The following KHDRBS2 variants were observed in gnomAD, a reference collection of about 807,000 sequenced individuals.
KHDRBS2 encodes the protein KH domain-containing, RNA-binding, signal transduction-associated protein 2.
A neutral mutation model predicts 44.3 loss-of-function variants in KHDRBS2; 26 were observed. That is an observed-to-expected ratio of 0.59 (90% CI 0.43 to 0.81). The LOEUF (loss-of-function observed/expected upper bound fraction) is 0.81. Among genes scored for constraint, KHDRBS2 ranks in the 40% least tolerant of loss-of-function variants. The probability of loss-of-function intolerance (pLI) is 0.00; values close to 1 mark genes in which losing one functional copy is unlikely to be tolerated. For synonymous variants in KHDRBS2, 194 were observed against 151.1 expected (o/e 1.28, Z -2.08); for missense variants, 476 against 433.1 (o/e 1.10, Z -0.88).
At chr6:62,091,271 T>A (rs1799449427) in intron 2 of KHDRBS2, among the ~76,000 whole-genome samples, 1 of 90,946 alleles carries the variant, frequency 1.1e-5, no homozygotes, top group African/African-American at 5.6e-5. Flanking sequence ...AATATAATTG[T>A]ACCACAGTAT....
At chr6:61,918,458 C>T (rs1220468249) in intron 4 of KHDRBS2, among the ~76,000 whole-genome samples, 1 of 151,858 alleles carries the variant, frequency 6.6e-6, no homozygotes, top group Non-Finnish European at 1.5e-5. Context: ...AGGGGACCCT[C>T]ATGATGGGAT....
intron 4 of KHDRBS2, among the ~76,000 whole-genome samples, chr6:61,917,832 A>T (rs190276184): frequency 4.6e-5 from 7 of 152,040 alleles, no homozygotes; most frequent in African/African-American, 1.7e-4. Context: ...TTGATTGATA[A>T]GAATATGATT....
At chr6:61,643,223 G>A in the KHDRBS2 span, among the ~76,000 whole-genome samples, 2 of 152,018 alleles carry the variant, frequency 1.3e-5, no homozygotes, top group Non-Finnish European at 2.9e-5. Flanking sequence ...AATTTCTTCT[G>A]GGAATGAGAA....
chr6:62,181,623 G>A (rs899892244), intron 1 of KHDRBS2, among the ~76,000 whole-genome samples: 4 of 151,948 alleles, frequency 2.6e-5, no homozygotes, highest in Non-Finnish European at 2.9e-5. Flanking sequence ...ATGAAAAACA[G>A]TATAGAGATT....
chr6:61,568,790 C>G, the KHDRBS2 span, among the ~76,000 whole-genome samples: 1 of 152,200 alleles, frequency 6.6e-6, no homozygotes, highest in Admixed American at 6.5e-5. Flanking sequence ...GGGAAGCCAT[C>G]CCTGACTATC....
chr6:62,153,668 C>T (rs930228631), intron 2 of KHDRBS2, among the ~76,000 whole-genome samples: 1 of 152,126 alleles, frequency 6.6e-6, no homozygotes, highest in Non-Finnish European at 1.5e-5. Context: ...GCCATGCTTA[C>T]TTACATCATG....
the KHDRBS2 span, among the ~76,000 whole-genome samples, chr6:61,555,941 A>T: frequency 6.6e-6 from 1 of 152,208 alleles, no homozygotes; most frequent in Non-Finnish European, 1.5e-5. Flanking sequence ...ACTCTAAAGG[A>T]CAGTGTTAGC....
At chr6:61,797,505 C>T (rs1229970913) in intron 6 of KHDRBS2, among the ~76,000 whole-genome samples, 1 of 152,026 alleles carries the variant, frequency 6.6e-6, no homozygotes, top group African/African-American at 2.4e-5. Flanking sequence ...ATTTTTAAAG[C>T]ACTTAGCAAG....
At chr6:61,901,845 T>C (rs1216232686) in intron 4 of KHDRBS2, among the ~76,000 whole-genome samples, 1 of 152,220 alleles carries the variant, frequency 6.6e-6, no homozygotes, top group Non-Finnish European at 1.5e-5. Flanking sequence ...ACTGAGCATG[T>C]ATTACAACCA....
intron 2 of KHDRBS2, among the ~76,000 whole-genome samples, chr6:62,104,019 A>C (rs1328535559): frequency 6.6e-6 from 1 of 152,202 alleles, no homozygotes; most frequent in East Asian, 1.9e-4. Context: ...ACAGATATAC[A>C]TAAGGGGCTG....
the KHDRBS2 span, among the ~76,000 whole-genome samples, chr6:61,613,649 T>G: frequency 8.5e-5 from 13 of 152,316 alleles, no homozygotes; most frequent in African/African-American, 2.9e-4. Flanking sequence ...TCTCAGTGAT[T>G]TTTTAGTGTA....
At chr6:61,839,754 C>A (rs1232414623) in intron 6 of KHDRBS2, among the ~76,000 whole-genome samples, 3 of 151,858 alleles carry the variant, frequency 2.0e-5, no homozygotes, top group African/African-American at 7.3e-5. Flanking sequence ...GTTTTGATAT[C>A]CTTAGAAAGA....
intron 1 of KHDRBS2, among the ~76,000 whole-genome samples, chr6:62,240,635 T>C (rs9342745): frequency 7.6e-6 from 1 of 132,232 alleles, no homozygotes; most frequent in African/African-American, 2.9e-5. Context: ...TGTACACACA[T>C]ATATGTGTGT....
chr6:61,943,224 A>T (rs1354323813), intron 4 of KHDRBS2, among the ~76,000 whole-genome samples: 1 of 152,260 alleles, frequency 6.6e-6, no homozygotes, highest in East Asian at 1.9e-4. Context: ...GGAATTCTTC[A>T]TCATAAAGCA....
chr6:61,730,584 T>C (rs923032018), intron 7 of KHDRBS2, among the ~76,000 whole-genome samples: 2 of 152,042 alleles, frequency 1.3e-5, no homozygotes, highest in African/African-American at 4.8e-5. Flanking sequence ...TATGGTGCTA[T>C]TGGAATTCAG....
chr6:61,800,180 A>G (rs1786034485), intron 6 of KHDRBS2, among the ~76,000 whole-genome samples: 1 of 152,096 alleles, frequency 6.6e-6, no homozygotes, highest in Admixed American at 6.6e-5. Context: ...CTTGATCCCT[A>G]ATTAATCTGG....
intron 3 of KHDRBS2, among the ~76,000 whole-genome samples, chr6:62,034,178 T>A (rs2127294459): frequency 6.6e-6 from 1 of 151,438 alleles, no homozygotes; most frequent in African/African-American, 2.4e-5. Context: ...TAATAAAAAG[T>A]CTCTCCATAA....
intron 5 of KHDRBS2, among the ~76,000 whole-genome samples, chr6:61,900,616 C>A (rs1336665701): frequency 6.6e-6 from 1 of 152,108 alleles, no homozygotes; most frequent in African/African-American, 2.4e-5. Flanking sequence ...CTCTGATCAC[C>A]AAGAAGAGCT....
At chr6:61,738,460 G>A (rs1258545914) in intron 6 of KHDRBS2, among the ~76,000 whole-genome samples, 1 of 151,868 alleles carries the variant, frequency 6.6e-6, no homozygotes, top group Admixed American at 6.6e-5. Flanking sequence ...AGTCCTTATA[G>A]GATCCTTGTG....
Sources: gnomAD v4.1 joint callset for allele counts (sites outside exome capture counted in the v4.1 genomes callset) on GRCh38, gnomAD v4.1.1 for gene constraint, MANE v1.5 for transcripts, NCBI Gene and HGNC (gene_info 2026-07-23, HGNC 2026-07-21) for gene names.